The following INTS7 variants were observed in gnomAD, a reference collection of about 807,000 sequenced individuals.
INTS7 encodes the protein integrator complex subunit 7.
In INTS7, 46 loss-of-function variants were observed where a neutral mutation model predicts 109.2. The ratio of observed to expected loss-of-function variants is 0.42; its 90% confidence interval spans 0.33 to 0.54. The LOEUF (loss-of-function observed/expected upper bound fraction) is 0.54. Ranked by LOEUF, INTS7 falls within the 20% of genes least tolerant of loss-of-function variation. The probability of loss-of-function intolerance (pLI) is 0.07; values close to 1 mark genes in which losing one functional copy is unlikely to be tolerated. For synonymous variants in INTS7, 412 were observed against 402.9 expected (o/e 1.02, Z -0.27); for missense variants, 929 against 1,132.4 (o/e 0.82, Z 2.58).
chr1:211,961,146 A>G (rs1273104195), intron 16 of INTS7, among the ~76,000 whole-genome samples: 1 of 152,134 alleles, frequency 6.6e-6, no homozygotes, highest in Non-Finnish European at 1.5e-5. Context: ...AATGGAAGCA[A>G]CTTGGAAGAC....
At chr1:211,947,905 T>C (rs1405177667) in intron 17 of INTS7, among the ~76,000 whole-genome samples, 1 of 152,240 alleles carries the variant, frequency 6.6e-6, no homozygotes, top group East Asian at 1.9e-4. Context: ...CTTTCTTTAT[T>C]ACTATTTTAA....
intron 4 of INTS7, among the ~76,000 whole-genome samples, chr1:212,013,362 TAAAG>T (rs954239407): frequency 7.2e-5 from 11 of 152,134 alleles, no homozygotes; most frequent in Non-Finnish European, 1.2e-4. Flanking sequence ...AATAAGGATA[TAAAG>T]AAAGTATGTT....
chr1:211,993,720 A>G (rs1234870936), intron 7 of INTS7, among the ~76,000 whole-genome samples: 3 of 151,492 alleles, frequency 2.0e-5, no homozygotes, highest in African/African-American at 7.3e-5. Flanking sequence ...CAGATATTGT[A>G]AACTATTAAT....
Position 212,033,480 on chromosome 1 carries a change from C to A in INTS7, c.94+1864G>T, listed in dbSNP as rs927950275. Among the ~76,000 whole-genome samples the A allele has an allele frequency of 2.6e-5, 4 of 152,146 alleles. No homozygotes were observed. In the South Asian group the frequency reaches 8.3e-4, roughly 31 times the overall value. On this transcript the variant is annotated intron_variant, in intron 1 of 19. Transcript: ENST00000366994. The stretch of plus-strand genomic sequence containing the variant: ...ACTTACTCTGTGTCTAAGATTGACA[C>A]CTGATTTCTTTCCTATAGATATAAA...
Position 212,020,225 on chromosome 1 carries a change from T to TTTG in INTS7, c.265_267dup (p.Gln89dup). 1 of 1,604,902 alleles carries TTTG rather than the reference T, an allele frequency of 6.2e-7. No homozygotes were observed. Among genetic ancestry groups the TTTG allele is most frequent in the Non-Finnish European group, 8.5e-7 (1 of 1,173,222 alleles). ...AGAATCTTCTCCAAATGTTTCTCACTTTGTTGGGTAACTTTAAGAACACAT... is the reference window on the plus strand; with the variant it reads ...AGAATCTTCTCCAAATGTTTCTCACTTTGTTGTTGGGTAACTTTAAGAACACAT... On this transcript the variant is annotated inframe_insertion, in exon 3 of 20. Transcript: ENST00000366994.
In INTS7 at chr1:211,946,342, G is replaced by A. The variant is rs188348874; in HGVS notation, c.2415+265C>T. On this transcript the variant is annotated intron_variant, in intron 18 of 19. Coordinates refer to ENST00000366994, the MANE Select transcript of INTS7 (RefSeq NM_015434.4). This position sits in a 1 kb window ranked among gnomAD's most constrained non-coding sequence, Gnocchi z 4.3. Reference sequence around the variant, plus strand: ...TACCAAAAATAAAAAAATCAGCTGCGTGAGGTGGTGGATGCCTGTAATCCC... The same window carrying A: ...TACCAAAAATAAAAAAATCAGCTGCATGAGGTGGTGGATGCCTGTAATCCC... Among the ~76,000 whole-genome samples, 5 of 152,254 alleles carry A rather than the reference G, an allele frequency of 3.3e-5. No homozygotes were observed. The highest frequency in any genetic ancestry group is 2.1e-4 in the South Asian group (1 of 4,816).
intron 1 of INTS7, among the ~76,000 whole-genome samples, chr1:212,022,429 CCA>C (rs539220413): frequency 2.0e-5 from 3 of 152,180 alleles, no homozygotes; most frequent in Non-Finnish European, 4.4e-5. Context: ...AGGACTTCAT[CCA>C]CAGTTGTTGT....
At chr1:211,949,868 C>T (rs1023614932) in intron 17 of INTS7, among the ~76,000 whole-genome samples, 1 of 152,164 alleles carries the variant, frequency 6.6e-6, no homozygotes, top group Non-Finnish European at 1.5e-5. Flanking sequence ...ACAAACTGTT[C>T]CTAGAAGACA....
Position 212,016,935 on chromosome 1 carries a change from C to T in INTS7, c.460G>A (p.Glu154Lys), listed in dbSNP as rs1352869009. The change falls in exon 4 of 20, where the codon GAA becomes AAA. Residue 154 changes from glutamate to lysine, a missense_variant. This residue lies in a region of INTS7 where 142 missense variants were observed against 231.4 expected (regional missense o/e 0.61). Coordinates refer to ENST00000366994, the MANE Select transcript of INTS7 (RefSeq NM_015434.4). ...GCAGCAAAAACAGCAGCTTCAACTT[C>T]TACATTATCATGTGAATCTAAACTC... ...RQSLDSHDNVEVEAAVFAAAN... is the reference protein window; with the variant it reads ...RQSLDSHDNVKVEAAVFAAAN... 2 of 1,608,072 alleles carry T rather than the reference C, an allele frequency of 1.2e-6. No homozygotes were observed.
intron 1 of INTS7, 138 bp downstream of exon 1, chr1:212,035,206 C>A: frequency 1.5e-6 from 1 of 661,748 alleles, no homozygotes; most frequent in South Asian, 1.7e-5. Flanking sequence ...AGCCCACGCC[C>A]CAGCAAAAGC....
In INTS7 at chr1:211,954,226, C is replaced by T. The variant is rs539144200; in HGVS notation, c.2184-1525G>A. On this transcript the variant is annotated intron_variant, in intron 16 of 19. Coordinates refer to ENST00000366994, the MANE Select transcript of INTS7 (RefSeq NM_015434.4). ...TTGAGAAGTGTCTGTTCATGTCCTT[C>T]GCTCACTTTTTGATGGGGTTGTTTT... Among the ~76,000 whole-genome samples the T allele has an allele frequency of 8.0e-3, 1,219 of 152,222 alleles. 20 individuals carry two copies. Among genetic ancestry groups the T allele is most frequent in the African/African-American group, 0.026 (1,095 of 41,520 alleles).
rs113288075 is a variant in INTS7 at position 211,967,622 on chromosome 1, A to T, written c.2114+256T>A. 3.4e-4 allele frequency among the ~76,000 whole-genome samples: 52 copies of T among 152,324 alleles called. 1 individual carries two copies. The highest frequency in any genetic ancestry group is 1.2e-3 in the African/African-American group (51 of 41,570). On this transcript the variant is annotated intron_variant, in intron 15 of 19. Transcript: ENST00000366994. ...TAGCTCAAGTGAGCACAGGTAAGCA[A>T]CACTGGCTTTGGATGTTGCTTTGGA... is the stretch of plus-strand genomic sequence containing the variant.
intron 7 of INTS7, among the ~76,000 whole-genome samples, chr1:211,996,786 A>C (rs997609579): frequency 1.3e-5 from 2 of 152,184 alleles, no homozygotes; most frequent in Non-Finnish European, 2.9e-5. Context: ...GCACTTTGGG[A>C]GGTCCAGGCA....
At position 211,942,354 on chromosome 1, in the gene INTS7, A is replaced by C. The variant is rs951504058; in HGVS notation, c.2602-243T>G. Among the ~76,000 whole-genome samples, 7 of 152,086 alleles carry C rather than the reference A, an allele frequency of 4.6e-5. No individual in the cohort carries two copies. Among genetic ancestry groups the C allele is most frequent in the African/African-American group, 1.7e-4 (7 of 41,400 alleles). On this transcript the variant is annotated intron_variant, in intron 19 of 19. Transcript: ENST00000366994. The surrounding 1 kb of genome is among the most constrained non-coding windows in gnomAD (Gnocchi z 4.2). The stretch of plus-strand genomic sequence containing the variant: ...CAGGCAGACTACCTCCAGGGCCTAC[A>C]CTCTGAACTACTAAGTGATGCTCCT...
rs992266017 is a variant in INTS7, at chr1:212,009,588, C to T, written c.556+1787G>A. Among the ~76,000 whole-genome samples, 5 of 152,188 alleles carry T rather than the reference C, an allele frequency of 3.3e-5. No homozygotes were observed. The South Asian group carries it at 8.3e-4, about 25-fold the overall frequency. ...CAATTTTCTAGTAACCTCTCTTTAA[C>T]CTGTACCCTTAGAGGTATGGTAAAA... On this transcript the variant is annotated intron_variant, in intron 5 of 19. Transcript: ENST00000366994.
At chr1:211,969,362 T>C (rs1358135907) in intron 13 of INTS7, among the ~76,000 whole-genome samples, 1 of 151,896 alleles carries the variant, frequency 6.6e-6, no homozygotes, top group Non-Finnish European at 1.5e-5. Flanking sequence ...AATCCCCTAT[T>C]ACTTTGCTAC....
intron 7 of INTS7, among the ~76,000 whole-genome samples, chr1:211,990,983 T>G (rs1665120854): frequency 6.6e-6 from 1 of 152,200 alleles, no homozygotes; most frequent in Non-Finnish European, 1.5e-5. Context: ...ACCTATAGCC[T>G]CTGGCAGTAA....
rs554289518 is a variant in INTS7 at position 211,945,004 on chromosome 1, C to T, written c.2416-35G>A. ...CAACACTCAAATAAATGCCAACAAC[C>T]AAGAGCAAGCTTCCTTCCGACAAAC... is the stretch of plus-strand genomic sequence containing the variant. On this transcript the variant is annotated intron_variant, in intron 18 of 19. Transcript: ENST00000366994. 7.5e-6 allele frequency: 12 copies of T among 1,598,616 alleles called. No individual in the cohort carries two copies. The East Asian group carries it at 2.5e-4, about 33-fold the overall frequency.
At chr1:211,948,948 A>G (rs2808386) in intron 17 of INTS7, among the ~76,000 whole-genome samples, 13,900 of 152,200 alleles carry the variant, frequency 0.091, 992 homozygotes, top group African/African-American at 0.2. Context: ...CTCGTGATCC[A>G]CCCGCCTTGG....
Sources: gnomAD v4.1 joint callset for allele counts (sites outside exome capture counted in the v4.1 genomes callset) on GRCh38, gnomAD v4.1.1 for gene constraint, gnomAD v4.1.1 regional missense constraint, Gnocchi (gnomAD v3.1) non-coding constraint, MANE v1.5 for transcripts, NCBI Gene and HGNC (gene_info 2026-07-23, HGNC 2026-07-21) for gene names.